The following MEF2C variants were observed in gnomAD, a reference collection of about 807,000 sequenced individuals.
MEF2C encodes the protein myocyte enhancer factor 2C.
Under a neutral mutation model 50.5 loss-of-function variants are expected in MEF2C, and 6 were observed. The ratio of observed to expected loss-of-function variants is 0.12; its 90% confidence interval spans 0.07 to 0.23. The LOEUF (loss-of-function observed/expected upper bound fraction) is 0.23, where lower values mean the gene tolerates loss of function less well. MEF2C is among the 10% of genes least tolerant of loss of function. The pLI is 1.00. For missense variants in MEF2C, 276 were observed against 605.0 expected, an observed-to-expected ratio of 0.46 and a Z score of 5.70; for synonymous variants, 183 against 228.0, an observed-to-expected ratio of 0.80 and a Z score of 1.78.
chr5:88,879,162 A>G (rs1832032298), intron 1 of MEF2C, among the ~76,000 whole-genome samples: 2 of 152,118 alleles, frequency 1.3e-5, no homozygotes, highest in Admixed American at 1.3e-4. Flanking sequence ...GTGACTCATT[A>G]GTGTTTTATT....
At chr5:88,770,286 A>G (rs771093851) in intron 3 of MEF2C, among the ~76,000 whole-genome samples, 3 of 152,252 alleles carry the variant, frequency 2.0e-5, no homozygotes, top group Non-Finnish European at 4.4e-5. Flanking sequence ...ATGTTGGAGC[A>G]TCTTTCATAA....
At chr5:88,843,813 T>C (rs944570415) in intron 1 of MEF2C, among the ~76,000 whole-genome samples, 1 of 150,888 alleles carries the variant, frequency 6.6e-6, no homozygotes, top group African/African-American at 2.4e-5. Flanking sequence ...AACTTTTTTT[T>C]TTTTTTTTTT....
rs11959338 is a variant in MEF2C, at chr5:88,726,515, G to A, written c.1100+1978C>T. ...GTGATTGTGAGAGGGAGAAAAGAGT[G>A]TGTGTGAAGCAGAGAGAGAGAAGGG... is the stretch of plus-strand genomic sequence containing the variant. On this transcript the variant is annotated intron_variant, in intron 10 of 10. Coordinates refer to ENST00000504921, the MANE Select transcript of MEF2C (RefSeq NM_002397.5). Among the ~76,000 whole-genome samples, 666 of 152,232 alleles carry A rather than the reference G, an allele frequency of 4.4e-3. 4 individuals carry two copies. Among genetic ancestry groups the A allele is most frequent in the African/African-American group, 0.015 (629 of 41,544 alleles).
intron 1 of MEF2C, among the ~76,000 whole-genome samples, chr5:88,903,092 T>C (rs1306909542): frequency 3.3e-5 from 5 of 151,990 alleles, no homozygotes; most frequent in Non-Finnish European, 7.4e-5. Context: ...TGTGGTCTCA[T>C]TTTTTCATGT....
intron 3 of MEF2C, among the ~76,000 whole-genome samples, chr5:88,795,327 T>C (rs1040074087): frequency 6.6e-6 from 1 of 152,198 alleles, no homozygotes; most frequent in African/African-American, 2.4e-5. Flanking sequence ...CTTTGGGCAG[T>C]GGTGTGCAGT....
chr5:88,796,282 G>A (rs997021531), intron 3 of MEF2C, among the ~76,000 whole-genome samples: 2 of 152,014 alleles, frequency 1.3e-5, no homozygotes. Context: ...ACTTCTTTTG[G>A]TTGGTAGCCT....
chr5:88,738,459 T>C (rs1361201070), intron 6 of MEF2C: 2 of 888,184 alleles, frequency 2.3e-6, no homozygotes, highest in Non-Finnish European at 2.7e-6. Context: ...ACTAATAGTA[T>C]CCCTATGAAA....
At chr5:88,773,054 T>C in intron 3 of MEF2C, 1 of 401,108 alleles carries the variant, frequency 2.5e-6, no homozygotes, top group Non-Finnish European at 3.4e-6. Flanking sequence ...ACACAATACG[T>C]AAGTCACAGC....
chr5:88,891,880 T>G (rs114126895), intron 1 of MEF2C, among the ~76,000 whole-genome samples: 1 of 152,194 alleles, frequency 6.6e-6, no homozygotes, highest in East Asian at 1.9e-4. Flanking sequence ...ATATATCTTA[T>G]TGTTAATTAG....
chr5:88,756,487 A>C (rs779796589), intron 4 of MEF2C, among the ~76,000 whole-genome samples: 2 of 152,224 alleles, frequency 1.3e-5, no homozygotes, highest in Non-Finnish European at 2.9e-5. Flanking sequence ...AAATGAGCAC[A>C]CTGAGAAGAT....
intron 3 of MEF2C, chr5:88,772,644 C>G (rs1782891242): frequency 1.3e-6 from 1 of 763,030 alleles, no homozygotes. Flanking sequence ...ATTGTGAACA[C>G]AGATTTCATT....
chr5:88,781,904 TG>T (rs1292105722), intron 3 of MEF2C: 1 of 155,824 alleles, frequency 6.4e-6, no homozygotes, highest in African/African-American at 2.4e-5. Flanking sequence ...GCCCAGGAGG[TG>T]GAGGTTGCAG....
chr5:88,885,532 T>C (rs1833973551), upstream of MEF2C, among the ~76,000 whole-genome samples: 1 of 152,182 alleles, frequency 6.6e-6, no homozygotes, highest in Admixed American at 6.5e-5. Context: ...AAATGTTGAG[T>C]TTGCCATTAC....
At chr5:88,816,556 C>G (rs1277519115) in intron 2 of MEF2C, among the ~76,000 whole-genome samples, 3 of 141,018 alleles carry the variant, frequency 2.1e-5, no homozygotes, top group Non-Finnish European at 4.6e-5. Context: ...TTCAACTCTT[C>G]AATCACCAGC....
intron 1 of MEF2C, among the ~76,000 whole-genome samples, chr5:88,848,830 C>T (rs571376285): frequency 6.6e-6 from 1 of 152,200 alleles, no homozygotes; most frequent in South Asian, 2.1e-4. Flanking sequence ...CACAAAGATT[C>T]TTCAATATTG....
intron 3 of MEF2C, among the ~76,000 whole-genome samples, chr5:88,781,165 G>T (rs1395674227): frequency 2.0e-5 from 3 of 151,982 alleles, no homozygotes; most frequent in Non-Finnish European, 4.4e-5. Flanking sequence ...TATTACACAA[G>T]AAATATACAT....
intron 3 of MEF2C, among the ~76,000 whole-genome samples, chr5:88,791,813 A>G (rs1383309710): frequency 6.6e-6 from 1 of 152,086 alleles, no homozygotes; most frequent in Non-Finnish European, 1.5e-5. Flanking sequence ...AGATATATAA[A>G]CAAAATTATA....
chr5:88,853,218 T>A (rs1469084770), intron 1 of MEF2C, among the ~76,000 whole-genome samples: 1 of 152,184 alleles, frequency 6.6e-6, no homozygotes, highest in East Asian at 1.9e-4. Flanking sequence ...TGAGACTCCA[T>A]CTGTTTTGGA....
chr5:88,775,570 C>T (rs1009060834), intron 3 of MEF2C, among the ~76,000 whole-genome samples: 2 of 152,172 alleles, frequency 1.3e-5, no homozygotes, highest in East Asian at 3.9e-4. Context: ...TAATTTTTTT[C>T]AAAATTTATG....
Sources: allele counts gnomAD v4.1 joint callset (sites outside exome capture counted in the v4.1 genomes callset), GRCh38; gene constraint gnomAD v4.1.1; transcripts MANE v1.5; gene names NCBI Gene and HGNC (gene_info 2026-07-23, HGNC 2026-07-21).